ADCY2: variants seen among roughly 807,000 people sequenced by gnomAD.
ADCY2 encodes adenylate cyclase type 2.
Under a neutral mutation model 125.2 loss-of-function variants are expected in ADCY2, and 31 were observed. That is an observed-to-expected ratio of 0.25 (90% CI 0.19 to 0.33). The LOEUF (loss-of-function observed/expected upper bound fraction) is 0.33, where lower values mean the gene tolerates loss of function less well. ADCY2 is among the 10% of genes least tolerant of loss of function. The pLI is 1.00. For missense variants in ADCY2, 904 were observed against 1,418.2 expected (o/e 0.64, Z 5.82); for synonymous variants, 512 against 548.4 (o/e 0.93, Z 0.93).
At chr5:7,696,879 C>A in intron 6 of ADCY2, among the ~76,000 whole-genome samples, 1 of 152,152 alleles carries the variant, frequency 6.6e-6, no homozygotes, top group East Asian at 1.9e-4. Context: ...CCTTCCTTTA[C>A]CAAGCCAAAG....
intron 4 of ADCY2, among the ~76,000 whole-genome samples, chr5:7,667,075 G>A (rs1297107283): frequency 6.6e-6 from 1 of 152,118 alleles, no homozygotes; most frequent in Non-Finnish European, 1.5e-5. Context: ...GATGAAGAAC[G>A]GCAAGACTCA....
At chr5:7,464,949 C>G (rs1433754451) in intron 2 of ADCY2, among the ~76,000 whole-genome samples, 1 of 152,122 alleles carries the variant, frequency 6.6e-6, no homozygotes, top group Non-Finnish European at 1.5e-5. Context: ...GCTATGGAGG[C>G]CTCACCATCA....
At chr5:7,501,131 T>TA (rs754532650) in intron 2 of ADCY2, among the ~76,000 whole-genome samples, 15,116 of 143,900 alleles carry the variant, frequency 0.11, 987 homozygotes, top group Middle Eastern at 0.16. Context: ...AGCTTTTTTT[T>TA]AAAAAAAAAA....
At chr5:7,407,622 C>T (rs1739550330) in intron 1 of ADCY2, among the ~76,000 whole-genome samples, 1 of 152,122 alleles carries the variant, frequency 6.6e-6, no homozygotes, top group African/African-American at 2.4e-5. Context: ...GGTCGATGGG[C>T]ATCTGTTGCT....
rs1179678018 is a variant in ADCY2 at position 7,417,737 on chromosome 5, C to T, written c.408+2967C>T. 2.0e-5 allele frequency among the ~76,000 whole-genome samples: 3 copies of T among 152,176 alleles called. No homozygotes were observed. The East Asian group carries it at 5.8e-4, about 29-fold the overall frequency. On this transcript the variant is annotated intron_variant, in intron 2 of 24. Transcript: ENST00000338316. ...TCACCTTGCTTGAGTGTTTCCATGG[C>T]ACTTAGGGCAACTTATAGAACCTTA...
intron 2 of ADCY2, among the ~76,000 whole-genome samples, chr5:7,434,288 T>C (rs1274507744): frequency 2.0e-5 from 3 of 152,222 alleles, no homozygotes; most frequent in African/African-American, 7.2e-5. Context: ...AGTTGGGAAC[T>C]AGATAAATCA....
At chr5:7,478,486 A>C (rs1742601606) in intron 2 of ADCY2, among the ~76,000 whole-genome samples, 1 of 152,224 alleles carries the variant, frequency 6.6e-6, no homozygotes, top group African/African-American at 2.4e-5. Flanking sequence ...ACATACCAGA[A>C]ACTCAAATAT....
intron 2 of ADCY2, among the ~76,000 whole-genome samples, chr5:7,505,178 C>T (rs1440635517): frequency 6.6e-6 from 1 of 152,210 alleles, no homozygotes; most frequent in African/African-American, 2.4e-5. Flanking sequence ...GCCACCGTGC[C>T]TGGCCTGAAG....
At chr5:7,662,226 A>T (rs1739557640) in intron 4 of ADCY2, among the ~76,000 whole-genome samples, 1 of 152,244 alleles carries the variant, frequency 6.6e-6, no homozygotes, top group Admixed American at 6.5e-5. Flanking sequence ...CTAAAGGATA[A>T]CAGAACTCCT....
intron 2 of ADCY2, among the ~76,000 whole-genome samples, chr5:7,509,494 A>G (rs1472782593): frequency 6.6e-6 from 1 of 152,178 alleles, no homozygotes; most frequent in East Asian, 1.9e-4. Flanking sequence ...CAAGCTTTTT[A>G]AAATGCATGA....
intron 3 of ADCY2, among the ~76,000 whole-genome samples, chr5:7,526,712 C>T (rs1002578874): frequency 1.3e-5 from 2 of 152,146 alleles, no homozygotes; most frequent in African/African-American, 2.4e-5. Flanking sequence ...CAGCCACTCT[C>T]TGATTTATTT....
intron 1 of ADCY2, among the ~76,000 whole-genome samples, chr5:7,398,710 T>A (rs994220393): frequency 2.0e-5 from 3 of 152,294 alleles, no homozygotes; most frequent in African/African-American, 4.8e-5. Context: ...GGTTACTCAG[T>A]CTGATAGAAA....
Position 7,766,652 on chromosome 5 carries a change from A to G in ADCY2, c.2095-35A>G, listed in dbSNP as rs377211331. On this transcript the variant is annotated intron_variant, in intron 16 of 24. Coordinates refer to ENST00000338316, the MANE Select transcript of ADCY2 (RefSeq NM_020546.3). Reference sequence around the variant, plus strand: ...ACCTGCTAGTTATTTAATCTAATTTACATTAATTCATTGAAAAAAACCTTC... The same window carrying G: ...ACCTGCTAGTTATTTAATCTAATTTGCATTAATTCATTGAAAAAAACCTTC... The G allele has an allele frequency of 5.0e-6, 8 of 1,608,720 alleles. No homozygotes were observed. The African/African-American group carries it at 9.4e-5, about 19-fold the overall frequency.
intron 3 of ADCY2, among the ~76,000 whole-genome samples, chr5:7,569,500 C>G (rs1261181905): frequency 3.9e-5 from 6 of 152,120 alleles, no homozygotes; most frequent in African/African-American, 1.4e-4. Context: ...AGGAACATGC[C>G]TATTCACCTG....
intron 3 of ADCY2, among the ~76,000 whole-genome samples, chr5:7,618,899 T>C (rs1028088736): frequency 6.6e-6 from 1 of 152,170 alleles, no homozygotes; most frequent in African/African-American, 2.4e-5. Context: ...TGTTTCTAAG[T>C]TTTTGAAAAG....
intron 3 of ADCY2, among the ~76,000 whole-genome samples, chr5:7,579,415 A>C (rs1736354440): frequency 6.6e-6 from 1 of 152,204 alleles, no homozygotes; most frequent in South Asian, 2.1e-4. Context: ...AAACCCTAAA[A>C]AAAAGAGATC....
intron 4 of ADCY2, among the ~76,000 whole-genome samples, chr5:7,670,788 G>T (rs1579299117): frequency 6.6e-6 from 1 of 152,272 alleles, no homozygotes; most frequent in Non-Finnish European, 1.5e-5. Context: ...AGAATCTAAT[G>T]CTGCCGCTGA....
chr5:7,591,291 G>T (rs1213390037), intron 3 of ADCY2, among the ~76,000 whole-genome samples: 1 of 152,148 alleles, frequency 6.6e-6, no homozygotes, highest in East Asian at 1.9e-4. Context: ...CTACTCCTAA[G>T]ATGATACTCT....
At position 7,431,617 on chromosome 5, in the gene ADCY2, T is replaced by TATGAAA. The variant is rs994728285; in HGVS notation, c.408+16863_408+16868dup. ...CACTGTTACCATTCAAGGGCATTGT[T>TATGAAA]ATGAAAATGAAAATGAAAATGCAAA... On this transcript the variant is annotated intron_variant, in intron 2 of 24. Coordinates refer to ENST00000338316, the MANE Select transcript of ADCY2 (RefSeq NM_020546.3). Among the ~76,000 whole-genome samples the TATGAAA allele has an allele frequency of 6.6e-5, 10 of 152,042 alleles. No individual in the cohort carries two copies. The South Asian group carries it at 1.5e-3, about 22-fold the overall frequency.
Sources: gnomAD v4.1 joint callset for allele counts (sites outside exome capture counted in the v4.1 genomes callset) on GRCh38, gnomAD v4.1.1 for gene constraint, MANE v1.5 for transcripts, NCBI Gene and HGNC (gene_info 2026-07-23, HGNC 2026-07-21) for gene names.